Variants in MYO16 observed in about 807,000 individuals in gnomAD.
The protein encoded by MYO16 is myosin XVI.
A neutral mutation model predicts 205.3 loss-of-function variants in MYO16; 94 were observed. The observed-to-expected ratio is 0.46, with a 90% CI of 0.39 to 0.54. MYO16 has a LOEUF of 0.54. Ranked by LOEUF, MYO16 falls within the 20% of genes least tolerant of loss-of-function variation. MYO16 has a pLI of 0.00. For missense variants in MYO16, 2,315 were observed against 2,387.5 expected (o/e 0.97, Z 0.63); for synonymous variants, 988 against 954.0 (o/e 1.04, Z -0.66).
chr13:108,820,249 G>A (rs1310066088), intron 7 of MYO16, 88 bp from the exon 8 acceptor site: 14 of 932,048 alleles, frequency 1.5e-5, no homozygotes, highest in East Asian at 2.7e-5. Context: ...CATGCCGGCT[G>A]TTAGTTGGAC....
At chr13:108,751,564 G>T (rs1885239068) in intron 4 of MYO16, among the ~76,000 whole-genome samples, 1 of 152,074 alleles carries the variant, frequency 6.6e-6, no homozygotes, top group South Asian at 2.1e-4. Flanking sequence ...TGAAATTTGG[G>T]CTGCTCCAAG....
intron 16 of MYO16, among the ~76,000 whole-genome samples, chr13:108,915,188 A>G (rs1261699828): frequency 6.6e-6 from 1 of 152,234 alleles, no homozygotes; most frequent in African/African-American, 2.4e-5. Context: ...GCTTAGCTGC[A>G]TGAAAACAGT....
intron 2 of MYO16, among the ~76,000 whole-genome samples, chr13:108,685,497 A>G (rs747180251): frequency 1.2e-4 from 18 of 152,192 alleles, no homozygotes; most frequent in Non-Finnish European, 2.4e-4. Flanking sequence ...TGGACACAAC[A>G]CCTACGCATG....
At chr13:108,792,607 G>A (rs1423421404) in intron 5 of MYO16, among the ~76,000 whole-genome samples, 1 of 151,032 alleles carries the variant, frequency 6.6e-6, no homozygotes, top group Non-Finnish European at 1.5e-5. Flanking sequence ...TGCCTCCTGG[G>A]TTCAAGCAAT....
chr13:108,922,737 A>G (rs1444122888), intron 16 of MYO16, among the ~76,000 whole-genome samples: 1 of 152,238 alleles, frequency 6.6e-6, no homozygotes, highest in African/African-American at 2.4e-5. Context: ...TGATAAAAAC[A>G]AAATGTGTGT....
the MYO16 span, among the ~76,000 whole-genome samples, chr13:108,535,166 A>AT: frequency 6.7e-6 from 1 of 148,554 alleles, no homozygotes; most frequent in Non-Finnish European, 1.5e-5. Flanking sequence ...CTTTTTAAAA[A>AT]TTTTTTTAGC....
rs758523461 is a variant in MYO16 at position 108,961,314 on chromosome 13, A to T, written c.2038-225A>T. ...TTCCTGACTCTCTTATATTTCAGGAACAGGAACATTGATTTAGAGAAAATA... is the reference window on the plus strand; with the variant it reads ...TTCCTGACTCTCTTATATTTCAGGATCAGGAACATTGATTTAGAGAAAATA... On this transcript the variant is annotated intron_variant, in intron 17 of 34. Transcript: ENST00000457511. 7.2e-5 allele frequency among the ~76,000 whole-genome samples: 11 copies of T among 152,284 alleles called. 1 individual carries two copies. In the Middle Eastern group the frequency reaches 0.031, roughly 424 times the overall value.
the MYO16 span, among the ~76,000 whole-genome samples, chr13:108,525,171 A>G: frequency 6.6e-6 from 1 of 152,200 alleles, no homozygotes; most frequent in African/African-American, 2.4e-5. Context: ...ACGTGTGATG[A>G]GTGCTTACAG....
intron 34 of MYO16, among the ~76,000 whole-genome samples, chr13:109,204,693 C>A (rs527924366): frequency 6.6e-6 from 1 of 152,114 alleles, no homozygotes; most frequent in Non-Finnish European, 1.5e-5. Flanking sequence ...ATAGATGATG[C>A]GAACAAATGG....
intron 6 of MYO16, among the ~76,000 whole-genome samples, chr13:108,796,794 C>T (rs1438515017): frequency 2.2e-5 from 3 of 137,674 alleles, no homozygotes; most frequent in Non-Finnish European, 3.1e-5. Flanking sequence ...GGAGGGATAG[C>T]ATTAGGAGAT....
intron 28 of MYO16, among the ~76,000 whole-genome samples, chr13:109,108,644 C>G (rs1425172067): frequency 6.6e-6 from 1 of 152,170 alleles, no homozygotes; most frequent in Non-Finnish European, 1.5e-5. Flanking sequence ...CAGCTTTAAA[C>G]TAATAAATAA....
chr13:108,724,218 T>C (rs558356350), intron 3 of MYO16, among the ~76,000 whole-genome samples: 15 of 152,356 alleles, frequency 9.8e-5, no homozygotes, highest in African/African-American at 3.1e-4. Flanking sequence ...TCCATTATAT[T>C]TTCTACATAG....
intron 27 of MYO16, among the ~76,000 whole-genome samples, chr13:109,057,259 T>C (rs1431530476): frequency 2.6e-5 from 4 of 152,188 alleles, no homozygotes; most frequent in South Asian, 2.1e-4. Context: ...TGAGTTCAGC[T>C]TGAGCCTTCC....
intron 5 of MYO16, among the ~76,000 whole-genome samples, chr13:108,790,047 C>G (rs1208924251): frequency 6.6e-6 from 1 of 152,036 alleles, no homozygotes; most frequent in Non-Finnish European, 1.5e-5. Context: ...GTGGTCTGAC[C>G]CAGGCATAGG....
chr13:109,085,323 TAG>T (rs1445453703), intron 27 of MYO16, among the ~76,000 whole-genome samples: 3 of 152,192 alleles, frequency 2.0e-5, no homozygotes, highest in Non-Finnish European at 4.4e-5. Context: ...GTTGAAGTTG[TAG>T]AGAGAAAACT....
intron 1 of MYO16, among the ~76,000 whole-genome samples, chr13:108,600,169 C>T (rs1878711818): frequency 6.6e-6 from 1 of 152,032 alleles, no homozygotes; most frequent in Non-Finnish European, 1.5e-5. Context: ...CCAACACTGC[C>T]CTGAGAGAGT....
At chr13:108,640,073 C>T (rs1880434705) in intron 1 of MYO16, among the ~76,000 whole-genome samples, 1 of 152,048 alleles carries the variant, frequency 6.6e-6, no homozygotes, top group East Asian at 1.9e-4. Context: ...TTGAAATAGG[C>T]ATGGGAGTTG....
Position 109,065,241 on chromosome 13 carries a change from C to T in MYO16, c.3335+9646C>T, listed in dbSNP as rs370282177. ...CCTGGACTTGGCACAGCATCACTCT[C>T]GCTGTATTCTATTCATCAAAGCACT... On this transcript the variant is annotated intron_variant, in intron 27 of 34. Transcript: ENST00000457511. Among the ~76,000 whole-genome samples, 57 of 152,244 alleles carry T rather than the reference C, an allele frequency of 3.7e-4. No homozygotes were observed. In the East Asian group the frequency reaches 9.8e-3, roughly 26 times the overall value.
chr13:109,190,925 A>G (rs1481854024), intron 34 of MYO16, among the ~76,000 whole-genome samples: 1 of 152,192 alleles, frequency 6.6e-6, no homozygotes, highest in Non-Finnish European at 1.5e-5. Context: ...ATTGCATAAA[A>G]TTGAATTTTC....
Sources: gnomAD v4.1 joint callset for allele counts (sites outside exome capture counted in the v4.1 genomes callset) on GRCh38, gnomAD v4.1.1 for gene constraint, MANE v1.5 for transcripts, NCBI Gene and HGNC (gene_info 2026-07-23, HGNC 2026-07-21) for gene names.